UGT8: variants seen among roughly 807,000 people sequenced by gnomAD.
The protein encoded by UGT8 is 2-hydroxyacylsphingosine 1-beta-galactosyltransferase.
A neutral mutation model predicts 40.5 loss-of-function variants in UGT8; 12 were observed. The ratio of observed to expected loss-of-function variants is 0.30; its 90% CI spans 0.19 to 0.48. The LOEUF (loss-of-function observed/expected upper bound fraction) is 0.48, where lower values mean the gene tolerates loss of function less well. Among genes scored for constraint, UGT8 ranks in the 20% least tolerant of loss-of-function variants. The pLI, the probability that UGT8 is intolerant of heterozygous loss-of-function variation, is 0.99. For missense variants in UGT8, 513 were observed against 648.7 expected, an observed-to-expected ratio of 0.79 and a Z score of 2.27; for synonymous variants, 224 against 240.4, an observed-to-expected ratio of 0.93 and a Z score of 0.63.
intron 2 of UGT8, among the ~76,000 whole-genome samples, chr4:114,662,861 T>C (rs1231922726): frequency 7.5e-6 from 1 of 132,832 alleles, no homozygotes; most frequent in African/African-American, 2.8e-5. Context: ...AATCTCACTC[T>C]GTCGCCCAGG....
At chr4:114,641,798 T>A (rs1050084013) in intron 2 of UGT8, among the ~76,000 whole-genome samples, 2 of 152,138 alleles carry the variant, frequency 1.3e-5, no homozygotes, top group Non-Finnish European at 2.9e-5. Flanking sequence ...AATTATAAGA[T>A]CAAAATTTCT....
chr4:114,669,465 T>C (rs1735100475), intron 5 of UGT8, among the ~76,000 whole-genome samples: 1 of 152,162 alleles, frequency 6.6e-6, no homozygotes, highest in Admixed American at 6.5e-5. Context: ...TATGTATCTA[T>C]CTTCAATCTT....
chr4:114,666,216 A>T (rs1734869225), intron 4 of UGT8, among the ~76,000 whole-genome samples: 1 of 152,166 alleles, frequency 6.6e-6, no homozygotes, highest in African/African-American at 2.4e-5. Flanking sequence ...GAGAAGCAGA[A>T]GACCATGGGA....
chr4:114,655,557 A>G (rs1162187225), intron 2 of UGT8, among the ~76,000 whole-genome samples: 1 of 152,046 alleles, frequency 6.6e-6, no homozygotes, highest in Non-Finnish European at 1.5e-5. Flanking sequence ...CCCCAACTAC[A>G]TTATTTTTAA....
chr4:114,631,241 G>T (rs1732551134), intron 2 of UGT8, among the ~76,000 whole-genome samples: 1 of 152,120 alleles, frequency 6.6e-6, no homozygotes, highest in African/African-American at 2.4e-5. Context: ...CAGCACTTTG[G>T]GAGGCTGAGG....
At chr4:114,619,741 G>T (rs781245366) in intron 1 of UGT8, among the ~76,000 whole-genome samples, 2 of 151,802 alleles carry the variant, frequency 1.3e-5, no homozygotes, top group Non-Finnish European at 1.5e-5. Context: ...ATAACTTCAA[G>T]ATTTGCAGAT....
chr4:114,644,062 C>T (rs1448787784), intron 2 of UGT8, among the ~76,000 whole-genome samples: 2 of 152,326 alleles, frequency 1.3e-5, no homozygotes, highest in East Asian at 3.9e-4. Flanking sequence ...ACACTGAAAA[C>T]AGTGACTGAA....
chr4:114,660,736 CA>C (rs1240087537), intron 2 of UGT8, among the ~76,000 whole-genome samples: 3 of 151,554 alleles, frequency 2.0e-5, no homozygotes, highest in African/African-American at 7.3e-5. Context: ...AGTAAAAATA[CA>C]AAAAATTAGC....
chr4:114,647,588 A>G (rs1293494705), intron 2 of UGT8, among the ~76,000 whole-genome samples: 1 of 151,916 alleles, frequency 6.6e-6, no homozygotes, highest in African/African-American at 2.4e-5. Context: ...CTGGTCTCGA[A>G]CTCTTGATCT....
intron 2 of UGT8, 37 bp from the exon 3 acceptor site, chr4:114,663,958 G>A (rs1237250455): frequency 6.2e-7 from 1 of 1,608,934 alleles, no homozygotes; most frequent in East Asian, 2.2e-5. Flanking sequence ...AACTACATTG[G>A]TCTTCGTAAA....
chr4:114,667,566 T>C (rs1734966350), intron 4 of UGT8, among the ~76,000 whole-genome samples: 1 of 152,216 alleles, frequency 6.6e-6, no homozygotes, highest in Non-Finnish European at 1.5e-5. Context: ...TTGTGAAATA[T>C]TAATGCTGAT....
Position 114,645,399 on chromosome 4 carries a change from TATC to T in UGT8, c.823-18593_823-18591del, listed in dbSNP as rs1264632215. On this transcript the variant is annotated intron_variant, in intron 2 of 5. Coordinates refer to ENST00000310836, the MANE Select transcript of UGT8 (RefSeq NM_001128174.3). ...TTATCAGGTAAGAGAAGATGAGTAATATCATTCAAGTCGCATAGCGAGATATCA... is the reference window on the plus strand; with the variant it reads ...TTATCAGGTAAGAGAAGATGAGTAATATTCAAGTCGCATAGCGAGATATCA... Among the ~76,000 whole-genome samples the T allele has an allele frequency of 4.6e-5, 7 of 152,324 alleles. No individual in the cohort carries two copies. In the East Asian group the frequency reaches 1.4e-3, roughly 29 times the overall value.
At chr4:114,634,253 A>G (rs1381546369) in intron 2 of UGT8, among the ~76,000 whole-genome samples, 1 of 152,212 alleles carries the variant, frequency 6.6e-6, no homozygotes, top group Non-Finnish European at 1.5e-5. Context: ...AGTTGGGGGC[A>G]TATTGAATTT....
chr4:114,673,003 T>C (rs1323977519), intron 5 of UGT8, among the ~76,000 whole-genome samples: 2 of 152,190 alleles, frequency 1.3e-5, no homozygotes, highest in African/African-American at 2.4e-5. Context: ...AATCGATCAT[T>C]ATTAACTTCG....
intron 1 of UGT8, among the ~76,000 whole-genome samples, chr4:114,600,083 C>T (rs1730352892): frequency 6.6e-6 from 1 of 152,070 alleles, no homozygotes; most frequent in South Asian, 2.1e-4. Flanking sequence ...TGAGAACTAA[C>T]GCGAATGGCT....
chr4:114,599,248 TG>T (rs1174260120), intron 1 of UGT8, among the ~76,000 whole-genome samples: 1 of 152,072 alleles, frequency 6.6e-6, no homozygotes, highest in East Asian at 1.9e-4. Context: ...ATCCTGTTTC[TG>T]CCATATGGCA....
At chr4:114,672,706 A>G (rs113803532) in intron 5 of UGT8, among the ~76,000 whole-genome samples, 2 of 152,242 alleles carry the variant, frequency 1.3e-5, no homozygotes, top group African/African-American at 4.8e-5. Flanking sequence ...GGATGGGTCA[A>G]TAGGTACAGC....
At chr4:114,624,495 A>G (rs572996936) in intron 2 of UGT8, among the ~76,000 whole-genome samples, 183 of 152,210 alleles carry the variant, frequency 1.2e-3, no homozygotes, top group African/African-American at 4.3e-3. Flanking sequence ...ATCAGATCCC[A>G]TTTACTAGGA....
intron 2 of UGT8, among the ~76,000 whole-genome samples, chr4:114,639,244 G>T (rs1376591165): frequency 6.6e-6 from 1 of 152,138 alleles, no homozygotes; most frequent in Non-Finnish European, 1.5e-5. Flanking sequence ...CATTCACTCA[G>T]TCATTCATCA....
Sources: gnomAD v4.1 joint callset for allele counts (sites outside exome capture counted in the v4.1 genomes callset) on GRCh38, gnomAD v4.1.1 for gene constraint, MANE v1.5 for transcripts, NCBI Gene and HGNC (gene_info 2026-07-23, HGNC 2026-07-21) for gene names.